The following ITPRIP variants were observed in gnomAD, a reference collection of about 807,000 sequenced individuals.
ITPRIP encodes the protein inositol 1,4,5-trisphosphate receptor-interacting protein.
A neutral mutation model predicts 35.8 loss-of-function variants in ITPRIP; 32 were observed. The ratio of observed to expected loss-of-function variants is 0.89; its 90% confidence interval spans 0.68 to 1.20. The LOEUF (loss-of-function observed/expected upper bound fraction) is 1.20. Ranked by LOEUF, ITPRIP falls within the 50% of genes most tolerant of loss-of-function variation. ITPRIP has a pLI of 0.00. For synonymous variants in ITPRIP, 358 were observed against 324.0 expected (o/e 1.11, Z -1.13); for missense variants, 653 against 735.6 (o/e 0.89, Z 1.30).
In ITPRIP at chr10:104,328,704, G is replaced by A. The variant is rs148863997; in HGVS notation, c.-14+9542C>T. Among the ~76,000 whole-genome samples the A allele has an allele frequency of 1.1e-3, 168 of 152,018 alleles. No homozygotes were observed. Among genetic ancestry groups the A allele is most frequent in the African/African-American group, 3.5e-3 (145 of 41,456 alleles). On this transcript the variant is annotated intron_variant, in intron 1 of 1. Coordinates refer to ENST00000337478, the MANE Select transcript of ITPRIP (RefSeq NM_001272013.2). This position sits in a 1 kb window ranked among gnomAD's most constrained non-coding sequence, Gnocchi z 4.1. Reference sequence around the variant, plus strand: ...TTAAATAAAGGGCCAGCACCCAGCAGCCACCTTCTGTTTGACCCCTGGATG... The same window carrying A: ...TTAAATAAAGGGCCAGCACCCAGCAACCACCTTCTGTTTGACCCCTGGATG...
intron 1 of ITPRIP, among the ~76,000 whole-genome samples, chr10:104,321,703 C>CTTT (rs111255254): frequency 1.5e-5 from 2 of 137,358 alleles, no homozygotes; most frequent in Non-Finnish European, 3.2e-5. Context: ...CTTTTCTTTT[C>CTTT]TTTTTTTTTT....
At chr10:104,336,515 G>T (rs1000460556) in intron 1 of ITPRIP, among the ~76,000 whole-genome samples, 4 of 146,914 alleles carry the variant, frequency 2.7e-5, no homozygotes, top group African/African-American at 1.0e-4. Context: ...GGGCAGCGGG[G>T]CATTGGGGGG....
At position 104,315,571 on chromosome 10, in the gene ITPRIP, G is replaced by A. The variant is rs766651663; in HGVS notation, c.481C>T (p.Arg161Trp). ...RGATADAART[R>W]EFLEGFVDDL... The stretch of plus-strand genomic sequence containing the variant: ...TCCACGAAGCCTTCCAGGAACTCCC[G>A]GGTACGGGCTGCATCGGCCGTGGCC... The change falls in exon 2 of 2, where the codon CGG becomes TGG. Residue 161 changes from arginine to tryptophan, a missense_variant. Coordinates refer to ENST00000337478, the MANE Select transcript of ITPRIP (RefSeq NM_001272013.2). The surrounding 1 kb of genome is among the most constrained non-coding windows in gnomAD (Gnocchi z 5.7). 5 of 1,614,020 alleles carry A rather than the reference G, an allele frequency of 3.1e-6. No individual in the cohort carries two copies. The highest frequency in any genetic ancestry group is 3.3e-5 in the Admixed American group (2 of 60,034).
At chr10:104,321,703 CT>C (rs111255254) in intron 1 of ITPRIP, among the ~76,000 whole-genome samples, 1,675 of 137,318 alleles carry the variant, frequency 0.012, 26 homozygotes, top group African/African-American at 0.032. Flanking sequence ...CTTTTCTTTT[CT>C]TTTTTTTTTT....
intron 1 of ITPRIP, among the ~76,000 whole-genome samples, chr10:104,319,308 C>G (rs1008395844): frequency 5.9e-5 from 9 of 152,230 alleles, no homozygotes; most frequent in Admixed American, 6.5e-5. Context: ...CTCCTCTCCT[C>G]AGCATCTACA....
intron 1 of ITPRIP, among the ~76,000 whole-genome samples, chr10:104,325,456 G>A (rs576355984): frequency 4.6e-5 from 7 of 152,232 alleles, no homozygotes; most frequent in East Asian, 3.9e-4. Context: ...GTGTCTCCTC[G>A]TTGGCCCCAG....
rs2013472347 is a variant in ITPRIP at position 104,311,022 on chromosome 10, G to C, written c.*3386C>G. On this transcript the variant is annotated 3_prime_UTR_variant, in exon 2 of 2. Coordinates refer to ENST00000337478, the MANE Select transcript of ITPRIP (RefSeq NM_001272013.2). ...AGGCCACCTTCTGCTGCCTCTCCTA[G>C]GGAACAGGCTTGGTCCTATTCATTT... is the stretch of plus-strand genomic sequence containing the variant. 6.6e-6 allele frequency: 1 copy of C among 152,334 alleles called. No individual in the cohort carries two copies. The highest frequency in any genetic ancestry group is 2.4e-5 in the African/African-American group (1 of 41,438). 9.4% of individuals were successfully genotyped at this position (152,334 alleles called of 1,614,324 possible).
chr10:104,315,036 CG>C lies in ITPRIP; in HGVS notation c.1015del (p.Arg339ValfsTer10), dbSNP rs759871278. The C allele has an allele frequency of 1.1e-5, 17 of 1,614,158 alleles. No homozygotes were observed. The highest frequency in any genetic ancestry group is 1.4e-5 in the Non-Finnish European group (17 of 1,180,028). On this transcript the variant is annotated frameshift_variant, in exon 2 of 2. Transcript: ENST00000337478. LOFTEE classifies it high-confidence loss of function. The surrounding 1 kb of genome is among the most constrained non-coding windows in gnomAD (Gnocchi z 5.7). ...GTTGAAGGGCATGAACTTCCCTGAA[CG>C]GAACTTGATCTTCAGGGACCCCGGG... The part of the protein sequence containing the change: ...DSPGSLKIKF[R>X]SGKFMPFNLI...
chr10:104,322,001 G>A lies in ITPRIP; in HGVS notation c.-13-5937C>T, dbSNP rs528590558. Among the ~76,000 whole-genome samples, 13 of 152,246 alleles carry A rather than the reference G, an allele frequency of 8.5e-5. No homozygotes were observed. In the East Asian group the frequency reaches 1.5e-3, roughly 18 times the overall value. ...TGGTAGCAAAAGCATTACAATCCACGCGGGAAGGTAGACAGCCACTACGTA... is the reference window on the plus strand; with the variant it reads ...TGGTAGCAAAAGCATTACAATCCACACGGGAAGGTAGACAGCCACTACGTA... On this transcript the variant is annotated intron_variant, in intron 1 of 1. Transcript: ENST00000337478.
intron 1 of ITPRIP, chr10:104,323,557 C>T (rs1281432906): frequency 6.6e-6 from 1 of 152,308 alleles, no homozygotes; most frequent in Non-Finnish European, 1.5e-5. Flanking sequence ...GTGGTGACCA[C>T]CAAAATTATC....
At position 104,314,552 on chromosome 10, in the gene ITPRIP, G is replaced by T; in HGVS notation, c.1500C>A (p.Leu500=). The T allele has an allele frequency of 6.2e-7, 1 of 1,614,236 alleles. No homozygotes were observed. The highest frequency in any genetic ancestry group is 8.5e-7 in the Non-Finnish European group (1 of 1,180,048). Residue 500 remains leucine, a synonymous_variant, in exon 2 of 2, where the codon CTC becomes CTA. Transcript: ENST00000337478. ...GCAGGACGAAGGGCCGGAAGAGGTTGAGGGGCTCGGCCCTGAGCACGGCCT... is the reference window on the plus strand; with the variant it reads ...GCAGGACGAAGGGCCGGAAGAGGTTTAGGGGCTCGGCCCTGAGCACGGCCT... ...LPEAVLRAEP[L]NLFRPFVLQR...
At chr10:104,336,504 G>GGT (rs2014239130) in intron 1 of ITPRIP, among the ~76,000 whole-genome samples, 1 of 151,048 alleles carries the variant, frequency 6.6e-6, no homozygotes, top group Non-Finnish European at 1.5e-5. Context: ...TGGGGGGGGG[G>GGT]GGGCAGCGGG....
In ITPRIP at chr10:104,326,083, C is replaced by T. The variant is rs1051529446; in HGVS notation, c.-13-10019G>A. ...GTTGTCTGCATGTGGACACTCTGGC[C>T]GGACTCACAGGAGGTGCTGCTCACA... On this transcript the variant is annotated intron_variant, in intron 1 of 1. Transcript: ENST00000337478. The surrounding 1 kb of genome is among the most constrained non-coding windows in gnomAD (Gnocchi z 4.8). Among the ~76,000 whole-genome samples, 10 of 152,258 alleles carry T rather than the reference C, an allele frequency of 6.6e-5. No homozygotes were observed. Among genetic ancestry groups the T allele is most frequent in the Admixed American group, 3.3e-4 (5 of 15,312 alleles).
chr10:104,313,228 T>C lies in ITPRIP; in HGVS notation c.*1180A>G. 5.1e-6 allele frequency: 5 copies of C among 985,574 alleles called. No individual in the cohort carries two copies. The South Asian group carries it at 1.9e-4, about 37-fold the overall frequency. 61.1% of individuals were successfully genotyped at this position (985,574 alleles called of 1,614,324 possible). A position where few individuals can be genotyped will look rare whatever the true frequency, so the allele number is the denominator to read the frequency against. On this transcript the variant is annotated 3_prime_UTR_variant, in exon 2 of 2. Transcript: ENST00000337478. ...TGGGACCCTGAGGACAACCTGGGGC[T>C]ATGACATCCTTGGCCCCTGATCTCT...
intron 1 of ITPRIP, among the ~76,000 whole-genome samples, chr10:104,317,268 T>C (rs1016031863): frequency 1.3e-5 from 2 of 152,224 alleles, no homozygotes; most frequent in African/African-American, 2.4e-5. Flanking sequence ...GGAGGCACTC[T>C]GTTCCCCTAG....
At chr10:104,337,006 C>G (rs1321161260) in intron 1 of ITPRIP, among the ~76,000 whole-genome samples, 2 of 152,124 alleles carry the variant, frequency 1.3e-5, no homozygotes, top group African/African-American at 4.8e-5. Context: ...GGAGAAAATC[C>G]GAAGGCAGAA....
chr10:104,331,542 A>G (rs1000747510), intron 1 of ITPRIP, among the ~76,000 whole-genome samples: 1 of 152,106 alleles, frequency 6.6e-6, no homozygotes, highest in African/African-American at 2.4e-5. Flanking sequence ...CCTAGAAGGG[A>G]GAGAAAGCAG....
At chr10:104,337,548 C>T (rs1167046470) in intron 1 of ITPRIP, among the ~76,000 whole-genome samples, 1 of 151,874 alleles carries the variant, frequency 6.6e-6, no homozygotes, top group East Asian at 1.9e-4. Flanking sequence ...GAGTCCCGCC[C>T]CGGGAGTCTT....
Position 104,313,372 on chromosome 10 carries a change from A to G in ITPRIP, c.*1036T>C. ...CAGCAGAGACTTCGCTGCAGGACGCAGGGCCAGAAGAGGTTGAGAGGCTTG... is the reference window on the plus strand; with the variant it reads ...CAGCAGAGACTTCGCTGCAGGACGCGGGGCCAGAAGAGGTTGAGAGGCTTG... On this transcript the variant is annotated 3_prime_UTR_variant, in exon 2 of 2. Coordinates refer to ENST00000337478, the MANE Select transcript of ITPRIP (RefSeq NM_001272013.2). 2 of 986,384 alleles carry G rather than the reference A, an allele frequency of 2.0e-6. No individual in the cohort carries two copies. The highest frequency in any genetic ancestry group is 2.4e-6 in the Non-Finnish European group (2 of 830,372). The allele number at this position is 986,384 out of a possible 1,614,324, so 61.1% of individuals were successfully genotyped here.
Sources: gnomAD v4.1 joint callset for allele counts (sites outside exome capture counted in the v4.1 genomes callset) on GRCh38, gnomAD v4.1.1 for gene constraint, Gnocchi (gnomAD v3.1) non-coding constraint, MANE v1.5 for transcripts, NCBI Gene and HGNC (gene_info 2026-07-23, HGNC 2026-07-21) for gene names.